PCDHA8: variants seen among roughly 807,000 people sequenced by gnomAD.
The protein encoded by PCDHA8 is protocadherin alpha 8.
PCDHA8 carries 53 observed loss-of-function variants against 61.8 expected under a neutral mutation model. The ratio of observed to expected loss-of-function variants is 0.86; its 90% confidence interval spans 0.69 to 1.08. The LOEUF is 1.08. PCDHA8 is among the 50% of genes least tolerant of loss of function. The pLI is 0.00. For missense variants in PCDHA8, 1,293 were observed against 1,245.0 expected (o/e 1.04, Z -0.58); for synonymous variants, 618 against 556.6 (o/e 1.11, Z -1.55).
At position 140,878,341 on chromosome 5, in the gene PCDHA8, A is replaced by G. The variant is rs980108622; in HGVS notation, c.2394+34626A>G. Reference sequence around the variant, plus strand: ...TTCACATTATATTCCAGGTATTATCACAATAATATAAATGATATGTCTGAC... The same window carrying G: ...TTCACATTATATTCCAGGTATTATCGCAATAATATAAATGATATGTCTGAC... On this transcript the variant is annotated intron_variant, in intron 1 of 3. Coordinates refer to ENST00000531613, the MANE Select transcript of PCDHA8 (RefSeq NM_018911.3). Among the ~76,000 whole-genome samples the G allele has an allele frequency of 2.0e-5, 3 of 152,350 alleles. No homozygotes were observed. In the East Asian group the frequency reaches 5.8e-4, roughly 29 times the overall value.
chr5:140,979,144 T>C, intron 2 of PCDHA8, 137 bp downstream of exon 2: 1 of 1,448,584 alleles, frequency 6.9e-7, no homozygotes. Flanking sequence ...GCAATTATTT[T>C]GTCCCCATGT....
chr5:140,977,359 A>G (rs1335405602), intron 1 of PCDHA8, among the ~76,000 whole-genome samples: 6 of 152,212 alleles, frequency 3.9e-5, no homozygotes, highest in Non-Finnish European at 8.8e-5. Context: ...TGATTGATAA[A>G]AAGTATTTTA....
At chr5:140,927,360 T>G in intron 1 of PCDHA8, 1 of 1,613,972 alleles carries the variant, frequency 6.2e-7, no homozygotes, top group Non-Finnish European at 8.5e-7. Flanking sequence ...AGGGAAGCAA[T>G]GGGATACTAA....
intron 1 of PCDHA8, chr5:140,969,008 G>A (rs782541476): frequency 6.2e-7 from 1 of 1,614,194 alleles, no homozygotes; most frequent in Non-Finnish European, 8.5e-7. Context: ...CTTCTGTGGA[G>A]TAAGGGAAAG....
intron 1 of PCDHA8, chr5:140,848,954 A>G (rs2150426355): frequency 1.4e-5 from 23 of 1,606,754 alleles, no homozygotes; most frequent in Admixed American, 5.1e-5. Flanking sequence ...CTCGGTTTCC[A>G]CTAGAGGGCG....
intron 2 of PCDHA8, among the ~76,000 whole-genome samples, chr5:140,980,491 G>A (rs917181390): frequency 2.6e-5 from 4 of 152,132 alleles, no homozygotes; most frequent in Non-Finnish European, 5.9e-5. Flanking sequence ...TTAGCTGGGC[G>A]TGATGGCATG....
chr5:140,929,080 A>G, intron 1 of PCDHA8: 1 of 1,614,180 alleles, frequency 6.2e-7, no homozygotes, highest in Non-Finnish European at 8.5e-7. Context: ...GTATGGAAGT[A>G]AGATGGTTTC....
intron 1 of PCDHA8, chr5:140,861,365 G>T (rs2046879866): frequency 2.8e-6 from 1 of 359,244 alleles, no homozygotes; most frequent in Non-Finnish European, 5.7e-6. Context: ...GCGTCTTCGC[G>T]GTCCCTATTG....
chr5:140,865,075 C>T (rs1441744566), intron 1 of PCDHA8: 2 of 152,110 alleles, frequency 1.3e-5, no homozygotes, highest in African/African-American at 4.8e-5. Flanking sequence ...AGTATAAGAA[C>T]CATGGGATAT....
chr5:140,900,030 G>A (rs1159979332), intron 1 of PCDHA8, among the ~76,000 whole-genome samples: 1 of 152,086 alleles, frequency 6.6e-6, no homozygotes, highest in Admixed American at 6.6e-5. Context: ...GTTTGGCCTT[G>A]AATTCCTGGG....
chr5:140,875,329 T>C, intron 1 of PCDHA8: 1 of 1,437,476 alleles, frequency 7.0e-7, no homozygotes, highest in Non-Finnish European at 9.1e-7. Flanking sequence ...ATTCACGGAA[T>C]AGGATCGACT....
At chr5:140,976,080 A>G (rs1487401919) in intron 1 of PCDHA8, among the ~76,000 whole-genome samples, 1 of 152,226 alleles carries the variant, frequency 6.6e-6, no homozygotes, top group African/African-American at 2.4e-5. Flanking sequence ...TGTGTCAGAT[A>G]TATCAGTAGT....
intron 1 of PCDHA8, among the ~76,000 whole-genome samples, chr5:140,887,774 C>G (rs2061572628): frequency 6.6e-6 from 1 of 152,168 alleles, no homozygotes; most frequent in Non-Finnish European, 1.5e-5. Context: ...TACAATGACA[C>G]AGGTCATTGA....
At chr5:140,862,566 T>G in intron 1 of PCDHA8, 4 of 478,186 alleles carry the variant, frequency 8.4e-6, no homozygotes, top group South Asian at 4.9e-5. Context: ...TGAACCACAA[T>G]GCCCTGGCGT....
At chr5:140,866,644 T>A (rs531566613) in intron 1 of PCDHA8, 14 of 152,184 alleles carry the variant, frequency 9.2e-5, no homozygotes, top group Non-Finnish European at 1.6e-4. Context: ...GTGTCAAAAT[T>A]TATTTATGTG....
rs782194525 is a variant in PCDHA8 at position 140,927,807 on chromosome 5, C to T, written c.2395-51142C>T. The T allele has an allele frequency of 8.7e-6, 14 of 1,614,088 alleles. No homozygotes were observed. In the African/African-American group the frequency reaches 1.3e-4, roughly 15 times the overall value. Reference sequence around the variant, plus strand: ...CTTCACTAGGTCCGCCTGAAACGCTCTTGGAGGCATACATTGAGGCGAGGG... The same window carrying T: ...CTTCACTAGGTCCGCCTGAAACGCTTTTGGAGGCATACATTGAGGCGAGGG... On this transcript the variant is annotated intron_variant, in intron 1 of 3. Coordinates refer to ENST00000531613, the MANE Select transcript of PCDHA8 (RefSeq NM_018911.3).
chr5:140,879,019 T>C (rs1554170641), intron 1 of PCDHA8, among the ~76,000 whole-genome samples: 2 of 152,216 alleles, frequency 1.3e-5, no homozygotes, highest in African/African-American at 4.8e-5. Flanking sequence ...AGATAATGTT[T>C]TATTGAAGAG....
chr5:140,923,924 T>C (rs968133405), intron 1 of PCDHA8, among the ~76,000 whole-genome samples: 15 of 152,220 alleles, frequency 9.9e-5, no homozygotes. Context: ...TACTGTTCTC[T>C]GTATGCATTT....
intron 1 of PCDHA8, chr5:140,882,120 CT>C (rs2058961361): frequency 6.9e-7 from 1 of 1,449,002 alleles, no homozygotes; most frequent in East Asian, 2.3e-5. Flanking sequence ...GCCGCCGTTT[CT>C]TTCTTCCTGC....
Sources: gnomAD v4.1 joint callset for allele counts (sites outside exome capture counted in the v4.1 genomes callset) on GRCh38, gnomAD v4.1.1 for gene constraint, MANE v1.5 for transcripts, NCBI Gene and HGNC (gene_info 2026-07-23, HGNC 2026-07-21) for gene names.